PRKACA: variants seen among roughly 807,000 people sequenced by gnomAD.
PRKACA encodes the protein protein kinase cAMP-activated catalytic subunit alpha.
PRKACA carries 9 observed loss-of-function variants against 45.8 expected under a neutral mutation model. The ratio of observed to expected loss-of-function variants is 0.20; its 90% CI spans 0.12 to 0.34. The LOEUF (loss-of-function observed/expected upper bound fraction) is 0.34, where lower values mean the gene tolerates loss of function less well. PRKACA is among the 10% of genes least tolerant of loss of function. The pLI is 1.00. For missense variants in PRKACA, 238 were observed against 458.6 expected (o/e 0.52, Z 4.39); for synonymous variants, 160 against 178.6 (o/e 0.90, Z 0.83).
At chr19:14,116,794 G>C (rs1470074292) in intron 1 of PRKACA, among the ~76,000 whole-genome samples, 1 of 152,070 alleles carries the variant, frequency 6.6e-6, no homozygotes, top group African/African-American at 2.4e-5. Flanking sequence ...AGGGACAGAC[G>C]CTTGCTTGGA....
chr19:14,107,776 C>G, intron 1 of PRKACA: 1 of 1,020,564 alleles, frequency 9.8e-7, no homozygotes, highest in Non-Finnish European at 1.2e-6. Context: ...GGCTGTTCCT[C>G]TGGCCCCTTC....
chr19:14,116,941 C>T (rs1967119487), intron 1 of PRKACA, among the ~76,000 whole-genome samples: 1 of 141,304 alleles, frequency 7.1e-6, no homozygotes, highest in Non-Finnish European at 1.5e-5. Context: ...GGGAAATGTT[C>T]AGGGGGCAGG....
intron 5 of PRKACA, among the ~76,000 whole-genome samples, chr19:14,099,379 G>A (rs928960960): frequency 3.2e-4 from 48 of 150,992 alleles, no homozygotes; most frequent in Admixed American, 3.2e-3. Flanking sequence ...TTTTCTTTCA[G>A]CAGGGTCTGA....
At chr19:14,113,906 G>A (rs528848162) in intron 1 of PRKACA, among the ~76,000 whole-genome samples, 1 of 152,168 alleles carries the variant, frequency 6.6e-6, no homozygotes, top group East Asian at 1.9e-4. Context: ...CTCTGAGCTG[G>A]CCCCCTGCCG....
intron 3 of PRKACA, among the ~76,000 whole-genome samples, chr19:14,103,708 G>A (rs1286822156): frequency 6.6e-6 from 1 of 152,194 alleles, no homozygotes; most frequent in African/African-American, 2.4e-5. Flanking sequence ...CTGGGCCCTT[G>A]AAATATGGCT....
At chr19:14,104,368 A>G (rs1263015335) in intron 3 of PRKACA, among the ~76,000 whole-genome samples, 1 of 145,594 alleles carries the variant, frequency 6.9e-6, no homozygotes, top group African/African-American at 2.5e-5. Flanking sequence ...ACAACCAGCC[A>G]GGCCAAAATG....
chr19:14,095,260 T>C (rs929896014), intron 8 of PRKACA, among the ~76,000 whole-genome samples: 5 of 151,430 alleles, frequency 3.3e-5, no homozygotes, highest in Admixed American at 1.3e-4. Context: ...AACCTCTGCC[T>C]CCCGGTTTCA....
chr19:14,114,311 C>G, intron 1 of PRKACA: 2 of 955,652 alleles, frequency 2.1e-6, no homozygotes, highest in East Asian at 2.6e-5. Flanking sequence ...AACCCAGAGG[C>G]CACTGGGTGT....
intron 5 of PRKACA, among the ~76,000 whole-genome samples, chr19:14,099,183 T>C (rs764616428): frequency 6.6e-6 from 1 of 151,992 alleles, no homozygotes; most frequent in Non-Finnish European, 1.5e-5. Context: ...TCCCAGCTAC[T>C]TGGGAGGCTG....
chr19:14,096,915 C>T (rs41296298), intron 8 of PRKACA: 19,149 of 291,576 alleles, frequency 0.066, 762 homozygotes, highest in East Asian at 0.13. Flanking sequence ...CAGAGTTAGG[C>T]AAGTCTGGGT....
intron 9 of PRKACA, 75 bp downstream of exon 9, chr19:14,093,545 CTTCTCTAT>C: frequency 6.7e-7 from 1 of 1,500,650 alleles, no homozygotes; most frequent in Non-Finnish European, 9.0e-7. Context: ...CCTGTGTTCT[CTTCTCTAT>C]TTCTCTATTG....
chr19:14,093,061 CAAAAAAAA>C lies in PRKACA; in HGVS notation c.*43_*50del. ...AATCCAACCCTCCCACCCCCCCGAC[CAAAAAAAA>C]GAAAAAAGAAAAAAGAAAACCCATG... On this transcript the variant is annotated 3_prime_UTR_variant, in exon 10 of 10. Coordinates refer to ENST00000308677, the MANE Select transcript of PRKACA (RefSeq NM_002730.4). The C allele has an allele frequency of 7.4e-7, 1 of 1,351,146 alleles. No homozygotes were observed. The highest frequency in any genetic ancestry group is 9.7e-7 in the Non-Finnish European group (1 of 1,034,756). 83.7% of individuals were successfully genotyped at this position (1,351,146 alleles called of 1,614,324 possible).
At chr19:14,109,891 T>C (rs528406619) in intron 1 of PRKACA, among the ~76,000 whole-genome samples, 57 of 120,702 alleles carry the variant, frequency 4.7e-4, no homozygotes, top group Admixed American at 3.0e-4. Flanking sequence ...TGAGCTGAGA[T>C]CATGCCACTG....
At chr19:14,098,506 TA>T (rs1487295126) in intron 5 of PRKACA, 8 of 151,578 alleles carry the variant, frequency 5.3e-5, no homozygotes, top group Non-Finnish European at 1.0e-4. Flanking sequence ...TTGATTAATT[TA>T]TTTTTTTTAA....
chr19:14,114,793 A>C (rs1346343928), intron 1 of PRKACA, among the ~76,000 whole-genome samples: 1 of 147,364 alleles, frequency 6.8e-6, no homozygotes, highest in Non-Finnish European at 1.5e-5. Context: ...CCCCAACTCC[A>C]CTCCAGGGTT....
chr19:14,106,057 G>A (rs1399512043), intron 3 of PRKACA, among the ~76,000 whole-genome samples: 1 of 152,018 alleles, frequency 6.6e-6, no homozygotes, highest in Non-Finnish European at 1.5e-5. Context: ...GGGGCTCGGG[G>A]AATAGTGGGT....
chr19:14,107,435 TAC>T, intron 1 of PRKACA, 26 bp from the exon 2 acceptor site: 1 of 1,608,496 alleles, frequency 6.2e-7, no homozygotes, highest in Non-Finnish European at 8.5e-7. Flanking sequence ...GGGAGAGTTA[TAC>T]AGAGACGCCC....
intron 1 of PRKACA, among the ~76,000 whole-genome samples, chr19:14,112,992 C>A (rs752193612): frequency 2.0e-5 from 3 of 152,220 alleles, no homozygotes; most frequent in Non-Finnish European, 4.4e-5. Context: ...AGCCACCCTG[C>A]CTCCTCCCCT....
At chr19:14,102,267 A>G (rs536108509) in intron 4 of PRKACA, among the ~76,000 whole-genome samples, 12 of 151,546 alleles carry the variant, frequency 7.9e-5, no homozygotes, top group Non-Finnish European at 1.2e-4. Flanking sequence ...CTCTGGGTCA[A>G]ACGTCCATGA....
Sources: allele counts gnomAD v4.1 joint callset (sites outside exome capture counted in the v4.1 genomes callset), GRCh38; gene constraint gnomAD v4.1.1; transcripts MANE v1.5; gene names NCBI Gene and HGNC (gene_info 2026-07-23, HGNC 2026-07-21).